EFHC1: variants seen among roughly 807,000 people sequenced by gnomAD.
The protein encoded by EFHC1 is EF-hand domain-containing protein 1.
EFHC1 carries 53 observed loss-of-function variants against 69.9 expected under a neutral mutation model. The ratio of observed to expected loss-of-function variants is 0.76; its 90% CI spans 0.61 to 0.95. The LOEUF (loss-of-function observed/expected upper bound fraction) is 0.95. Ranked by LOEUF, EFHC1 falls within the 40% of genes least tolerant of loss-of-function variation. The probability of loss-of-function intolerance (pLI) is 0.00; values close to 1 mark genes in which losing one functional copy is unlikely to be tolerated. For missense variants in EFHC1, 739 were observed against 798.7 expected, an observed-to-expected ratio of 0.93 and a Z score of 0.90; for synonymous variants, 256 against 278.4, an observed-to-expected ratio of 0.92 and a Z score of 0.80.
chr6:52,431,886 G>A (rs1764422986), intron 2 of EFHC1, among the ~76,000 whole-genome samples: 1 of 152,098 alleles, frequency 6.6e-6, no homozygotes. Flanking sequence ...TCCAGTGTTA[G>A]GTGCATATAT....
At chr6:52,460,232 A>G (rs1269868914) in intron 5 of EFHC1, among the ~76,000 whole-genome samples, 1 of 152,246 alleles carries the variant, frequency 6.6e-6, no homozygotes, top group African/African-American at 2.4e-5. Context: ...ATGAAACAAC[A>G]TGAATGAATC....
Position 52,454,197 on chromosome 6 carries a change from C to T in EFHC1, c.826C>T (p.Arg276Ter), listed in dbSNP as rs796052414. 2.5e-6 allele frequency: 4 copies of T among 1,614,074 alleles called. No homozygotes were observed. Among genetic ancestry groups the T allele is most frequent in the South Asian group, 1.1e-5 (1 of 91,070 alleles). ...TCTTATGGATGATACGGTGGAAATT[C>T]GAGAGGTCCACGAACGGAATGATGG... ...YYLMDDTVEIREVHERNDGRD... is the reference protein window; with the variant it reads ...YYLMDDTVEI Residue 276 changes from arginine to a stop codon, truncating the protein, a stop_gained, in exon 5 of 11, where the codon CGA becomes TGA. Coordinates refer to ENST00000371068, the MANE Select transcript of EFHC1 (RefSeq NM_018100.4). LOFTEE classifies it high-confidence loss of function.
intron 9 of EFHC1, chr6:52,480,065 AC>A (rs1197984779): frequency 1.7e-6 from 1 of 602,912 alleles, no homozygotes; most frequent in Non-Finnish European, 2.9e-6. Context: ...AACTTTTGAC[AC>A]CCCAAAACTT....
In EFHC1 at chr6:52,495,339, T is replaced by A; in HGVS notation, c.*2998T>A. 2.2e-6 allele frequency: 1 copy of A among 454,130 alleles called. No homozygotes were observed. Among genetic ancestry groups the A allele is most frequent in the Non-Finnish European group, 4.4e-6 (1 of 226,790 alleles). 28.1% of individuals were successfully genotyped at this position (454,130 alleles called of 1,614,324 possible). ...TTTTAAAGTATACCCTCACTTAGCT[T>A]GCAGACCCAAGGCACTCCAGCCCCT... is the stretch of plus-strand genomic sequence containing the variant. On this transcript the variant is annotated 3_prime_UTR_variant, in exon 11 of 11. Transcript: ENST00000371068.
At chr6:52,465,866 A>C (rs1437012822) in intron 6 of EFHC1, among the ~76,000 whole-genome samples, 1 of 148,252 alleles carries the variant, frequency 6.7e-6, no homozygotes, top group Non-Finnish European at 1.5e-5. Context: ...CTATCTATAT[A>C]TATATTATAA....
rs1255460877 is a variant in EFHC1, at chr6:52,493,021, T to C, written c.*680T>C. ...AACAGATAGTCCTCCCTAATGTGGG[T>C]GGGCCTCCTCCAATCATTTGAAGAC... is the stretch of plus-strand genomic sequence containing the variant. On this transcript the variant is annotated 3_prime_UTR_variant, in exon 11 of 11. Transcript: ENST00000371068. 1 of 454,032 alleles carries C rather than the reference T, an allele frequency of 2.2e-6. No homozygotes were observed. The highest frequency in any genetic ancestry group is 6.9e-5 in the East Asian group (1 of 14,398). The allele number at this position is 454,032 out of a possible 1,614,324, so 28.1% of individuals were successfully genotyped here. A position where few individuals can be genotyped will look rare whatever the true frequency, so the allele number is the denominator to read the frequency against.
chr6:52,486,594 C>T (rs1052172118), intron 9 of EFHC1: 2 of 152,102 alleles, frequency 1.3e-5, no homozygotes, highest in Non-Finnish European at 2.9e-5. Flanking sequence ...TTTCCATTTT[C>T]TTTAAGGAGA....
At chr6:52,424,874 T>G (rs1764270778) in intron 2 of EFHC1, among the ~76,000 whole-genome samples, 1 of 152,256 alleles carries the variant, frequency 6.6e-6, no homozygotes, top group Non-Finnish European at 1.5e-5. Flanking sequence ...TCAGTTCTAA[T>G]TTCCAGATGA....
intron 5 of EFHC1, among the ~76,000 whole-genome samples, chr6:52,454,897 G>T (rs1765005562): frequency 6.6e-6 from 1 of 151,974 alleles, no homozygotes; most frequent in African/African-American, 2.4e-5. Flanking sequence ...TTTGAGACCA[G>T]CCTGGGCAAC....
At chr6:52,449,653 G>T (rs1404111143) in intron 3 of EFHC1, among the ~76,000 whole-genome samples, 1 of 152,168 alleles carries the variant, frequency 6.6e-6, no homozygotes, top group African/African-American at 2.4e-5. Flanking sequence ...TTATAATTCT[G>T]TGGGGTCAGT....
intron 3 of EFHC1, among the ~76,000 whole-genome samples, chr6:52,445,684 C>T (rs1305576821): frequency 2.0e-5 from 3 of 152,118 alleles, no homozygotes; most frequent in Non-Finnish European, 1.5e-5. Flanking sequence ...CCTGCTTTCT[C>T]TTGTGGGCAT....
chr6:52,449,903 G>A (rs1157841766), intron 3 of EFHC1, among the ~76,000 whole-genome samples: 2 of 152,132 alleles, frequency 1.3e-5, no homozygotes, highest in Non-Finnish European at 2.9e-5. Flanking sequence ...GTGATATTAG[G>A]TTGTTAATTT....
intron 2 of EFHC1, among the ~76,000 whole-genome samples, chr6:52,430,823 G>T (rs559768730): frequency 6.6e-6 from 1 of 152,054 alleles, no homozygotes; most frequent in African/African-American, 2.4e-5. Context: ...CTGTGAATCT[G>T]TCTGGTCCTG....
chr6:52,489,799 A>G (rs986341461), intron 9 of EFHC1, among the ~76,000 whole-genome samples: 1 of 152,250 alleles, frequency 6.6e-6, no homozygotes, highest in Admixed American at 6.5e-5. Context: ...AGGAAACATT[A>G]ATCTGCAACA....
intron 6 of EFHC1, chr6:52,468,893 G>A (rs1765372230): frequency 5.3e-6 from 1 of 189,026 alleles, no homozygotes; most frequent in South Asian, 1.1e-4. Context: ...ATAGTCCTTT[G>A]TTGTTGAAGA....
chr6:52,486,754 AAATCT>A (rs1211430974), intron 9 of EFHC1: 1 of 151,970 alleles, frequency 6.6e-6, no homozygotes, highest in African/African-American at 2.4e-5. Context: ...CTATTTCTTC[AAATCT>A]AATTCTTCTA....
intron 9 of EFHC1, chr6:52,487,099 C>T (rs1374475368): frequency 6.6e-6 from 1 of 151,904 alleles, no homozygotes; most frequent in Non-Finnish European, 1.5e-5. Flanking sequence ...TCAACTCTAC[C>T]CTTACAGCGT....
chr6:52,496,723 A>G lies in EFHC1; in HGVS notation c.*4382A>G, dbSNP rs944778976. The G allele has an allele frequency of 2.6e-5, 4 of 152,162 alleles. No individual in the cohort carries two copies. The highest frequency in any genetic ancestry group is 4.4e-5 in the Non-Finnish European group (3 of 68,022). The allele number at this position is 152,162 out of a possible 1,614,324, so 9.4% of individuals were successfully genotyped here. A position where few individuals can be genotyped will look rare whatever the true frequency, so the allele number is the denominator to read the frequency against. ...TCGGAAGGGTTAACTGCTTGAGTTC[A>G]CCTAGCTTCTCATGGCAGAGCAGGA... On this transcript the variant is annotated 3_prime_UTR_variant, in exon 11 of 11. Coordinates refer to ENST00000371068, the MANE Select transcript of EFHC1 (RefSeq NM_018100.4).
At chr6:52,474,867 T>C (rs1329992952) in intron 7 of EFHC1, among the ~76,000 whole-genome samples, 3 of 152,214 alleles carry the variant, frequency 2.0e-5, no homozygotes, top group Non-Finnish European at 4.4e-5. Flanking sequence ...GGCAATGGCC[T>C]GTTTGGTGGG....
Sources: gnomAD v4.1 joint callset for allele counts (sites outside exome capture counted in the v4.1 genomes callset) on GRCh38, gnomAD v4.1.1 for gene constraint, MANE v1.5 for transcripts, NCBI Gene and HGNC (gene_info 2026-07-23, HGNC 2026-07-21) for gene names.